The following IHO1 variants were observed in gnomAD, a reference collection of about 807,000 sequenced individuals.
IHO1 encodes the protein interactor of HORMAD1 protein 1.
In IHO1, 13 loss-of-function variants were observed where a neutral mutation model predicts 31.0. The ratio of observed to expected loss-of-function variants is 0.42; its 90% CI spans 0.27 to 0.67. The LOEUF is 0.67. IHO1 is among the 30% of genes least tolerant of loss of function. IHO1 has a pLI of 0.24. For synonymous variants in IHO1, 221 were observed against 248.4 expected (o/e 0.89, Z 1.04); for missense variants, 599 against 687.5 (o/e 0.87, Z 1.44).
chr3:49,194,397 G>A (rs866031396), upstream of IHO1, among the ~76,000 whole-genome samples: 1 of 143,096 alleles, frequency 7.0e-6, no homozygotes, highest in Non-Finnish European at 1.5e-5. Flanking sequence ...TCCGCCTCCC[G>A]GGCTCACACC....
rs759760548 is a variant in IHO1 at position 49,255,470 on chromosome 3, G to T, written c.613G>T (p.Glu205Ter). The change falls in exon 7 of 8, where the codon GAG (glutamate) becomes TAG (stop). Residue 205 changes from glutamate to a stop codon, truncating the protein, a stop_gained. Coordinates refer to ENST00000452691, the MANE Select transcript of IHO1 (RefSeq NM_001135197.2). LOFTEE classifies it low-confidence loss of function (END_TRUNC). ...AGGCAACATGGAGCAGGCCATCCTTGAGATGAAGAAAAGATTTGAAGCTGT... is the reference window on the plus strand; with the variant it reads ...AGGCAACATGGAGCAGGCCATCCTTTAGATGAAGAAAAGATTTGAAGCTGT... ...DKGNMEQAIL[E>*]MKKRFEARQG... 6.2e-7 allele frequency: 1 copy of T among 1,600,188 alleles called. No homozygotes were observed. The highest frequency in any genetic ancestry group is 8.5e-7 in the Non-Finnish European group (1 of 1,175,588).
the IHO1 span, among the ~76,000 whole-genome samples, chr3:49,193,364 C>T: frequency 5.3e-5 from 8 of 150,506 alleles, no homozygotes; most frequent in Admixed American, 5.3e-4. Context: ...AGAATGAGAC[C>T]CCCATCTCAA....
chr3:49,257,403 G>C lies in IHO1; in HGVS notation c.*121G>C. ...ACCCAGGGTCAGAGGCCCTGCTGAG[G>C]TGGGGCAATGAGCACGAGGGCAGGG... On this transcript the variant is annotated 3_prime_UTR_variant, in exon 8 of 8. Coordinates refer to ENST00000452691, the MANE Select transcript of IHO1 (RefSeq NM_001135197.2). 2.0e-6 allele frequency: 2 copies of C among 977,804 alleles called. No individual in the cohort carries two copies. Among genetic ancestry groups the C allele is most frequent in the Non-Finnish European group, 3.1e-6 (2 of 648,840 alleles). 60.6% of individuals were successfully genotyped at this position (977,804 alleles called of 1,614,324 possible).
At chr3:49,200,273 T>C (rs1391254679) in intron 1 of IHO1, among the ~76,000 whole-genome samples, 1 of 151,948 alleles carries the variant, frequency 6.6e-6, no homozygotes, top group Non-Finnish European at 1.5e-5. Context: ...GAGACCAGCC[T>C]GGCCAACATA....
chr3:49,250,803 G>A (rs1193720034), intron 6 of IHO1, among the ~76,000 whole-genome samples: 1 of 152,032 alleles, frequency 6.6e-6, no homozygotes, highest in Non-Finnish European at 1.5e-5. Flanking sequence ...AGGCCGAGGC[G>A]GGCAGATCAC....
intron 2 of IHO1, among the ~76,000 whole-genome samples, chr3:49,218,647 T>C (rs538608981): frequency 6.6e-6 from 1 of 152,284 alleles, no homozygotes; most frequent in East Asian, 1.9e-4. Context: ...CTCAAAGTGC[T>C]GGGATTATAG....
At chr3:49,239,051 A>G (rs1321178538) in intron 3 of IHO1, among the ~76,000 whole-genome samples, 1 of 152,172 alleles carries the variant, frequency 6.6e-6, no homozygotes, top group Non-Finnish European at 1.5e-5. Flanking sequence ...AGCTCACTGC[A>G]ACCTCTGCCT....
At chr3:49,234,361 G>A (rs1328153408) in intron 2 of IHO1, among the ~76,000 whole-genome samples, 2 of 150,862 alleles carry the variant, frequency 1.3e-5, no homozygotes, top group African/African-American at 2.4e-5. Flanking sequence ...TTTAATTTTA[G>A]TAGAGATGAG....
At chr3:49,220,178 G>C (rs2107697825) in intron 2 of IHO1, among the ~76,000 whole-genome samples, 1 of 152,334 alleles carries the variant, frequency 6.6e-6, no homozygotes, top group South Asian at 2.1e-4. Flanking sequence ...CAGATCAACA[G>C]GGAAATATTA....
chr3:49,253,014 C>G (rs1259863705), intron 6 of IHO1, among the ~76,000 whole-genome samples: 1 of 149,470 alleles, frequency 6.7e-6, no homozygotes, highest in Non-Finnish European at 1.5e-5. Context: ...GCACTCCAGC[C>G]TGGCAATAGA....
chr3:49,226,439 T>G (rs182263566), intron 2 of IHO1, among the ~76,000 whole-genome samples: 2 of 152,340 alleles, frequency 1.3e-5, no homozygotes, highest in East Asian at 1.9e-4. Context: ...CAGAAGGATT[T>G]TCTTCCTTTC....
chr3:49,256,950 C>T lies in IHO1; in HGVS notation c.1453C>T (p.Pro485Ser). The T allele has an allele frequency of 6.2e-7, 1 of 1,614,200 alleles. No homozygotes were observed. Among genetic ancestry groups the T allele is most frequent in the Non-Finnish European group, 8.5e-7 (1 of 1,180,032 alleles). The change falls in exon 8 of 8, where the codon CCT (proline) becomes TCT (serine). Residue 485 changes from proline (P) to serine (S), a missense_variant. Transcript: ENST00000452691. The surrounding 1 kb of genome is among the most constrained non-coding windows in gnomAD (Gnocchi z 4.6). ...GAGTCCTCAGCCTGCAATTTCTGTC[C>T]CTCAAAGCCCCTTCCTGGGGCAGCA... ...YQSPQPAISV[P>S]QSPFLGQQEP... is the part of the protein sequence containing the mutation.
rs530793179 is a variant in IHO1, at chr3:49,234,990, G to A, written c.57-1558G>A. Reference sequence around the variant, plus strand: ...GCCTCCCAAGTAGCTGGGATTACAGGTGTCTGCCACCATACCCAGCTAATT... The same window carrying A: ...GCCTCCCAAGTAGCTGGGATTACAGATGTCTGCCACCATACCCAGCTAATT... On this transcript the variant is annotated intron_variant, in intron 2 of 7. Transcript: ENST00000452691. 2.0e-5 allele frequency among the ~76,000 whole-genome samples: 3 copies of A among 151,826 alleles called. No individual in the cohort carries two copies. The South Asian group carries it at 6.2e-4, about 32-fold the overall frequency.
At chr3:49,200,803 C>T (rs948563624) in intron 1 of IHO1, among the ~76,000 whole-genome samples, 2 of 152,182 alleles carry the variant, frequency 1.3e-5, no homozygotes, top group African/African-American at 4.8e-5. Flanking sequence ...AATACCTCTT[C>T]CTTACTAGTG....
intron 3 of IHO1, among the ~76,000 whole-genome samples, chr3:49,238,616 T>G (rs936686619): frequency 2.0e-5 from 3 of 152,192 alleles, no homozygotes; most frequent in African/African-American, 7.2e-5. Context: ...AGTGACAGGT[T>G]TCATCATCCT....
chr3:49,222,889 T>A (rs568069455), intron 2 of IHO1, among the ~76,000 whole-genome samples: 1 of 152,236 alleles, frequency 6.6e-6, no homozygotes, highest in Non-Finnish European at 1.5e-5. Flanking sequence ...GAATCCAAGA[T>A]TCCACTCCTG....
chr3:49,194,344 C>T (rs1368190159), upstream of IHO1, among the ~76,000 whole-genome samples: 2 of 144,210 alleles, frequency 1.4e-5, no homozygotes, highest in Non-Finnish European at 3.0e-5. Context: ...TGCTCTGTTG[C>T]CCAGGCTGGA....
At chr3:49,210,845 G>A (rs564806789) in intron 1 of IHO1, among the ~76,000 whole-genome samples, 3 of 148,712 alleles carry the variant, frequency 2.0e-5, no homozygotes, top group South Asian at 4.3e-4. Context: ...CTACAGGCAC[G>A]TCCCACCACA....
At chr3:49,217,159 A>G (rs922095092) in intron 2 of IHO1, among the ~76,000 whole-genome samples, 2 of 152,212 alleles carry the variant, frequency 1.3e-5, no homozygotes, top group African/African-American at 2.4e-5. Context: ...AAGGATTATA[A>G]ATCATTAACT....
Sources: gnomAD v4.1 joint callset for allele counts (sites outside exome capture counted in the v4.1 genomes callset) on GRCh38, gnomAD v4.1.1 for gene constraint, Gnocchi (gnomAD v3.1) non-coding constraint, MANE v1.5 for transcripts, NCBI Gene and HGNC (gene_info 2026-07-23, HGNC 2026-07-21) for gene names.